The following CNTNAP4 variants were observed in gnomAD, a reference collection of about 807,000 sequenced individuals.
CNTNAP4 encodes contactin-associated protein-like 4.
A neutral mutation model predicts 148.4 loss-of-function variants in CNTNAP4; 98 were observed. The ratio of observed to expected loss-of-function variants is 0.66; its 90% CI spans 0.56 to 0.78. The LOEUF is 0.78. CNTNAP4 is among the 30% of genes least tolerant of loss of function. The pLI is 0.00. For synonymous variants in CNTNAP4, 730 were observed against 565.1 expected, an observed-to-expected ratio of 1.29 and a Z score of -4.14; for missense variants, 1,935 against 1,565.6, an observed-to-expected ratio of 1.24 and a Z score of -3.98.
chr16:76,452,389 G>T, intron 7 of CNTNAP4, 119 bp from the exon 8 acceptor site: 1 of 934,640 alleles, frequency 1.1e-6, no homozygotes, highest in Non-Finnish European at 1.6e-6. Context: ...CTGTCATGTT[G>T]ATAGCAGGCA....
intron 3 of CNTNAP4, among the ~76,000 whole-genome samples, chr16:76,402,127 C>G (rs759854841): frequency 9.9e-5 from 15 of 152,146 alleles, no homozygotes; most frequent in Admixed American, 6.6e-5. Flanking sequence ...GGTACCAGCT[C>G]TTCTTTGTAC....
At chr16:76,279,737 A>G (rs190933643) in intron 1 of CNTNAP4, among the ~76,000 whole-genome samples, 40 of 152,380 alleles carry the variant, frequency 2.6e-4, no homozygotes, top group Non-Finnish European at 7.3e-5. Flanking sequence ...ATGACCTTAT[A>G]TAATTAAAGT....
chr16:76,304,697 C>T (rs571876811), intron 1 of CNTNAP4, among the ~76,000 whole-genome samples: 153 of 152,222 alleles, frequency 1.0e-3, no homozygotes, highest in Non-Finnish European at 1.7e-3. Flanking sequence ...ATATGTGTGT[C>T]GCCACATCCG....
rs532765820 is a variant in CNTNAP4, at chr16:76,518,393, G to C, written c.2366-2747G>C. On this transcript the variant is annotated intron_variant, in intron 15 of 23. Coordinates refer to ENST00000611870, the MANE Select transcript of CNTNAP4 (RefSeq NM_033401.5). ...TCTGCCCACCTCAGCCCCCAAAAGT[G>C]CTGGGATTACAGGCATGAGCCACCG... Among the ~76,000 whole-genome samples, 4 of 152,248 alleles carry C rather than the reference G, an allele frequency of 2.6e-5. No individual in the cohort carries two copies. In the South Asian group the frequency reaches 8.3e-4, roughly 32 times the overall value.
chr16:76,284,746 A>T (rs920599520), intron 1 of CNTNAP4, among the ~76,000 whole-genome samples: 1 of 151,980 alleles, frequency 6.6e-6, no homozygotes, highest in Non-Finnish European at 1.5e-5. Context: ...GTGTATTGCA[A>T]TTAAATATGC....
At chr16:76,467,610 C>T (rs985388397) in intron 10 of CNTNAP4, 87 bp downstream of exon 10, 26 of 1,093,140 alleles carry the variant, frequency 2.4e-5, no homozygotes, top group Admixed American at 2.8e-5. Context: ...ATTATTCTTT[C>T]CTCTTCCCCA....
intron 12 of CNTNAP4, among the ~76,000 whole-genome samples, chr16:76,481,045 AAATAAACC>A (rs2081809255): frequency 6.6e-6 from 1 of 152,216 alleles, no homozygotes; most frequent in Non-Finnish European, 1.5e-5. Context: ...AAAGATAAAC[AAATAAACC>A]AATAAAAACA....
intron 3 of CNTNAP4, among the ~76,000 whole-genome samples, chr16:76,374,742 C>CTATTATTATTATTAT (rs34594219): frequency 1.5e-5 from 2 of 131,616 alleles, no homozygotes; most frequent in African/African-American, 5.4e-5. Context: ...GACTATGACA[C>CTATTATTATTATTAT]TATTATTATT....
At chr16:76,459,988 G>A (rs937390841) in intron 8 of CNTNAP4, among the ~76,000 whole-genome samples, 3 of 152,088 alleles carry the variant, frequency 2.0e-5, no homozygotes, top group African/African-American at 7.2e-5. Context: ...AGCAACTTTT[G>A]ACTTTATACA....
chr16:76,531,079 C>G (rs1296708459), intron 17 of CNTNAP4, among the ~76,000 whole-genome samples: 3 of 152,134 alleles, frequency 2.0e-5, no homozygotes, highest in African/African-American at 4.8e-5. Context: ...AGGCAAATCT[C>G]TATAGCTTTG....
intron 12 of CNTNAP4, among the ~76,000 whole-genome samples, chr16:76,484,182 G>A (rs1209945503): frequency 1.4e-5 from 2 of 140,540 alleles, no homozygotes; most frequent in East Asian, 2.2e-4. Flanking sequence ...TGTGTGTGTG[G>A]GGAAAGAGAG....
At chr16:76,502,042 C>G (rs1312423411) in intron 15 of CNTNAP4, among the ~76,000 whole-genome samples, 3 of 150,318 alleles carry the variant, frequency 2.0e-5, no homozygotes, top group Non-Finnish European at 4.4e-5. Context: ...GCACTCCAGC[C>G]TGGGCGACAG....
intron 13 of CNTNAP4, among the ~76,000 whole-genome samples, chr16:76,491,580 A>G (rs1285682201): frequency 1.3e-5 from 2 of 152,158 alleles, no homozygotes; most frequent in African/African-American, 4.8e-5. Context: ...TGGGTTGTTC[A>G]TTGTTGGTGA....
At chr16:76,415,400 C>T (rs954017577) in intron 3 of CNTNAP4, among the ~76,000 whole-genome samples, 1 of 150,762 alleles carries the variant, frequency 6.6e-6, no homozygotes, top group Non-Finnish European at 1.5e-5. Flanking sequence ...ATAAGTTCTG[C>T]AATATCATAA....
At chr16:76,280,739 C>G (rs1227426975) in intron 1 of CNTNAP4, among the ~76,000 whole-genome samples, 1 of 152,132 alleles carries the variant, frequency 6.6e-6, no homozygotes, top group African/African-American at 2.4e-5. Context: ...AGAAGCTGCA[C>G]TGGCTGTTCT....
chr16:76,318,219 T>C (rs1259464242), intron 2 of CNTNAP4, among the ~76,000 whole-genome samples: 1 of 152,218 alleles, frequency 6.6e-6, no homozygotes, highest in Non-Finnish European at 1.5e-5. Flanking sequence ...TACCACCACT[T>C]CATTTGAGTC....
chr16:76,489,224 T>C (rs1278285080), intron 12 of CNTNAP4, among the ~76,000 whole-genome samples: 2 of 152,310 alleles, frequency 1.3e-5, no homozygotes, highest in East Asian at 3.9e-4. Flanking sequence ...AATTCTAATA[T>C]ACATTTTTTT....
rs1249030559 is a variant in CNTNAP4 at position 76,359,704 on chromosome 16, GCAAA to G, written c.390+4198_390+4201del. 9.9e-5 allele frequency among the ~76,000 whole-genome samples: 15 copies of G among 152,124 alleles called. 1 individual carries two copies. In the South Asian group the frequency reaches 1.5e-3, roughly 15 times the overall value. ...TTTATACAAAGTATTCTGCTGAATGGCAAACAAATATTTTATGAAAATTCAGAAA... is the reference window on the plus strand; with the variant it reads ...TTTATACAAAGTATTCTGCTGAATGGCAAATATTTTATGAAAATTCAGAAA... On this transcript the variant is annotated intron_variant, in intron 3 of 23. Coordinates refer to ENST00000611870, the MANE Select transcript of CNTNAP4 (RefSeq NM_033401.5).
At chr16:76,366,379 T>A (rs1001618805) in intron 3 of CNTNAP4, among the ~76,000 whole-genome samples, 2 of 152,178 alleles carry the variant, frequency 1.3e-5, no homozygotes, top group African/African-American at 4.8e-5. Flanking sequence ...TAGGAACATA[T>A]AGCATTTGGT....
Sources: gnomAD v4.1 joint callset for allele counts (sites outside exome capture counted in the v4.1 genomes callset) on GRCh38, gnomAD v4.1.1 for gene constraint, MANE v1.5 for transcripts, NCBI Gene and HGNC (gene_info 2026-07-23, HGNC 2026-07-21) for gene names.